The following TMEM132D variants were observed in gnomAD, a reference collection of about 807,000 sequenced individuals.
The protein encoded by TMEM132D is transmembrane protein 132D.
TMEM132D carries 21 observed loss-of-function variants against 62.3 expected under a neutral mutation model. That is an observed-to-expected ratio of 0.34 (90% CI 0.24 to 0.49). The LOEUF (loss-of-function observed/expected upper bound fraction) is 0.49. TMEM132D is among the 20% of genes least tolerant of loss of function. The pLI, the probability that TMEM132D is intolerant of heterozygous loss-of-function variation, is 0.99. For missense variants in TMEM132D, 1,346 were observed against 1,402.8 expected (o/e 0.96, Z 0.65); for synonymous variants, 621 against 575.6 (o/e 1.08, Z -1.13).
intron 2 of TMEM132D, among the ~76,000 whole-genome samples, chr12:129,692,081 G>A (rs1225289265): frequency 6.6e-6 from 1 of 151,866 alleles, no homozygotes; most frequent in Non-Finnish European, 1.5e-5. Context: ...AGAAGCAGAG[G>A]GAAGATGTTC....
intron 3 of TMEM132D, among the ~76,000 whole-genome samples, chr12:129,524,704 A>G (rs1875960300): frequency 6.6e-6 from 1 of 151,744 alleles, no homozygotes; most frequent in African/African-American, 2.4e-5. Context: ...TTAGCCAGAT[A>G]CTGACAAATA....
intron 5 of TMEM132D, among the ~76,000 whole-genome samples, chr12:129,154,986 A>G (rs1344244244): frequency 2.0e-5 from 3 of 152,238 alleles, no homozygotes; most frequent in Non-Finnish European, 2.9e-5. Context: ...CAGGAAACAT[A>G]CTGTTGACTA....
intron 3 of TMEM132D, among the ~76,000 whole-genome samples, chr12:129,359,327 G>A (rs965064333): frequency 3.3e-5 from 5 of 152,226 alleles, no homozygotes; most frequent in East Asian, 1.9e-4. Context: ...AAAATGTTTC[G>A]GTGGTGATGG....
At chr12:129,136,860 T>A in intron 5 of TMEM132D, among the ~76,000 whole-genome samples, 1 of 143,072 alleles carries the variant, frequency 7.0e-6, no homozygotes, top group South Asian at 2.3e-4. Flanking sequence ...ATCATTATCA[T>A]CACCACCACC....
At chr12:129,897,838 C>T (rs1323231404) in intron 1 of TMEM132D, among the ~76,000 whole-genome samples, 3 of 152,206 alleles carry the variant, frequency 2.0e-5, no homozygotes, top group Non-Finnish European at 4.4e-5. Flanking sequence ...CCTCTCTGCA[C>T]TCAGCCCCTG....
intron 5 of TMEM132D, among the ~76,000 whole-genome samples, chr12:129,205,753 C>A (rs1235146881): frequency 2.0e-5 from 3 of 151,914 alleles, no homozygotes; most frequent in African/African-American, 7.3e-5. Context: ...CAAAATCAAC[C>A]ACATAATCAG....
chr12:129,229,451 A>G (rs2135577707), intron 4 of TMEM132D, among the ~76,000 whole-genome samples: 1 of 152,326 alleles, frequency 6.6e-6, no homozygotes, highest in East Asian at 1.9e-4. Flanking sequence ...AGTCCTCTTG[A>G]TAGCATAAAG....
At chr12:129,343,373 C>T (rs1869566554) in intron 3 of TMEM132D, among the ~76,000 whole-genome samples, 1 of 140,468 alleles carries the variant, frequency 7.1e-6, no homozygotes, top group South Asian at 2.2e-4. Context: ...GGGAACTGAA[C>T]AATGAGAACA....
intron 4 of TMEM132D, among the ~76,000 whole-genome samples, chr12:129,269,573 G>A (rs1880796805): frequency 6.6e-6 from 1 of 152,174 alleles, no homozygotes; most frequent in Admixed American, 6.5e-5. Flanking sequence ...GAGATGTGAG[G>A]TACGTTCACG....
chr12:129,218,375 A>T (rs1428056036), intron 4 of TMEM132D, among the ~76,000 whole-genome samples: 1 of 152,214 alleles, frequency 6.6e-6, no homozygotes, highest in Non-Finnish European at 1.5e-5. Flanking sequence ...ACAAACCTAG[A>T]AGGCAGAGCA....
intron 5 of TMEM132D, among the ~76,000 whole-genome samples, chr12:129,143,357 G>A (rs1328118519): frequency 6.6e-6 from 1 of 152,182 alleles, no homozygotes; most frequent in Admixed American, 6.5e-5. Context: ...GGGGCATGGA[G>A]CTTTCATGCT....
At chr12:129,810,572 ACCCCCC>A (rs60005433) in intron 1 of TMEM132D, among the ~76,000 whole-genome samples, 8 of 123,170 alleles carry the variant, frequency 6.5e-5, no homozygotes, top group Non-Finnish European at 1.4e-4. Context: ...ACACACACAC[ACCCCCC>A]CACACTCTTT....
At chr12:129,200,658 T>C (rs928325063) in intron 5 of TMEM132D, among the ~76,000 whole-genome samples, 1 of 152,200 alleles carries the variant, frequency 6.6e-6, no homozygotes, top group Non-Finnish European at 1.5e-5. Flanking sequence ...GCTGTCCCTG[T>C]GGCTGCGCAG....
chr12:129,392,906 T>A (rs61342801), intron 3 of TMEM132D, among the ~76,000 whole-genome samples: 21,912 of 152,216 alleles, frequency 0.14, 1,763 homozygotes, highest in East Asian at 0.3. Flanking sequence ...CGAGGATGCA[T>A]GGCCCTCTTG....
At chr12:129,229,553 T>C (rs77718443) in intron 4 of TMEM132D, among the ~76,000 whole-genome samples, 195 of 152,294 alleles carry the variant, frequency 1.3e-3, no homozygotes, top group African/African-American at 4.3e-3. Flanking sequence ...GAAAAATGCA[T>C]GTCAAATTGT....
chr12:129,080,621 CTGA>C (rs1874416761), intron 7 of TMEM132D, among the ~76,000 whole-genome samples: 2 of 152,136 alleles, frequency 1.3e-5, no homozygotes, highest in Non-Finnish European at 2.9e-5. Context: ...CACAGATTGC[CTGA>C]TAAGACAATC....
At chr12:129,801,421 G>A (rs1411535489) in intron 1 of TMEM132D, among the ~76,000 whole-genome samples, 3 of 151,760 alleles carry the variant, frequency 2.0e-5, no homozygotes, top group East Asian at 3.9e-4. Context: ...CCCCCCAGCA[G>A]GGGCACACTG....
At chr12:129,524,927 CTT>C (rs372985812) in intron 3 of TMEM132D, among the ~76,000 whole-genome samples, 38 of 85,952 alleles carry the variant, frequency 4.4e-4, no homozygotes, top group East Asian at 1.5e-3. Context: ...TTTCTTTTTT[CTT>C]TTTTTTTTTT....
intron 3 of TMEM132D, among the ~76,000 whole-genome samples, chr12:129,421,395 G>A (rs1872320732): frequency 1.3e-5 from 2 of 152,246 alleles, no homozygotes; most frequent in African/African-American, 4.8e-5. Context: ...TGGTTCTCAT[G>A]TGAGGGAGAT....
Sources: gnomAD v4.1 joint callset for allele counts (sites outside exome capture counted in the v4.1 genomes callset) on GRCh38, gnomAD v4.1.1 for gene constraint, MANE v1.5 for transcripts, NCBI Gene and HGNC (gene_info 2026-07-23, HGNC 2026-07-21) for gene names.